Variants in FBN1 observed in about 807,000 individuals in gnomAD.
The protein encoded by FBN1 is fibrillin-1.
FBN1 carries 29 observed loss-of-function variants against 365.1 expected under a neutral mutation model. The observed-to-expected ratio is 0.08, with a 90% CI of 0.06 to 0.11. The LOEUF is 0.11. Ranked by LOEUF, FBN1 falls within the 10% of genes least tolerant of loss-of-function variation. The pLI is 1.00. For missense variants in FBN1, 2,476 were observed against 3,703.2 expected, an observed-to-expected ratio of 0.67 and a Z score of 8.60; for synonymous variants, 1,210 against 1,270.5, an observed-to-expected ratio of 0.95 and a Z score of 1.01.
At chr15:48,475,335 G>A (rs1597554579) in intron 32 of FBN1, among the ~76,000 whole-genome samples, 1 of 152,056 alleles carries the variant, frequency 6.6e-6, no homozygotes, top group East Asian at 1.9e-4. Flanking sequence ...TGGGGATTTT[G>A]TCAGAATATA....
At chr15:48,571,901 G>A (rs1352220987) in intron 6 of FBN1, among the ~76,000 whole-genome samples, 2 of 152,208 alleles carry the variant, frequency 1.3e-5, no homozygotes, top group African/African-American at 2.4e-5. Context: ...ATTTTAAAAT[G>A]TGTATGTGTG....
At chr15:48,469,354 C>T (rs914817657) in intron 36 of FBN1, among the ~76,000 whole-genome samples, 3 of 152,100 alleles carry the variant, frequency 2.0e-5, no homozygotes, top group African/African-American at 2.4e-5. Context: ...GACACACACG[C>T]GTGAGGCTTA....
At chr15:48,511,907 T>C (rs1353558666) in intron 13 of FBN1, among the ~76,000 whole-genome samples, 1 of 152,218 alleles carries the variant, frequency 6.6e-6, no homozygotes, top group Non-Finnish European at 1.5e-5. Flanking sequence ...GTGCAGTCTC[T>C]GGACATTGAT....
chr15:48,513,661 A>G lies in FBN1; in HGVS notation c.1476T>C (p.Asp492=), dbSNP rs758967612. 8.7e-6 allele frequency: 14 copies of G among 1,613,970 alleles called. No individual in the cohort carries two copies. The highest frequency in any genetic ancestry group is 4.4e-5 in the South Asian group (4 of 91,090). Residue 492 remains aspartate, a synonymous_variant, in exon 13 of 66, where the codon GAT becomes GAC. Transcript: ENST00000316623. ...LDLRGECIDV[D]ECEKNPCAGG... ...CAGCACAGGGGTTTTTCTCACATTCATCAACATCTGCAAAGCACAATGTAT... is the reference window on the plus strand; with the variant it reads ...CAGCACAGGGGTTTTTCTCACATTCGTCAACATCTGCAAAGCACAATGTAT...
intron 60 of FBN1, among the ~76,000 whole-genome samples, chr15:48,422,970 A>C (rs950731187): frequency 6.6e-6 from 1 of 152,086 alleles, no homozygotes; most frequent in Admixed American, 6.6e-5. Context: ...AAACAAAAAA[A>C]ACAAAAATCC....
intron 4 of FBN1, among the ~76,000 whole-genome samples, chr15:48,601,613 A>G (rs1282629578): frequency 6.6e-6 from 1 of 152,206 alleles, no homozygotes; most frequent in Non-Finnish European, 1.5e-5. Flanking sequence ...ATTCCTCCCA[A>G]CAGCCACCCT....
At chr15:48,487,586 T>C in intron 27 of FBN1, 149 bp from the exon 28 acceptor site, 2 of 1,156,500 alleles carry the variant, frequency 1.7e-6, no homozygotes, top group South Asian at 2.5e-5. Flanking sequence ...ACACCAGATC[T>C]CCCTGCAGGA....
In FBN1 at chr15:48,582,453, T is replaced by G. The variant is rs184842525; in HGVS notation, c.538+13830A>C. The stretch of plus-strand genomic sequence containing the variant: ...ACCTTTTAGATGCAGTAAGAATTTA[T>G]TCTTCTAAAGCCCACAAAACCACAT... On this transcript the variant is annotated intron_variant, in intron 6 of 65. Coordinates refer to ENST00000316623, the MANE Select transcript of FBN1 (RefSeq NM_000138.5). Among the ~76,000 whole-genome samples, 123 of 152,348 alleles carry G rather than the reference T, an allele frequency of 8.1e-4. 1 individual carries two copies. The highest frequency in any genetic ancestry group is 2.6e-3 in the African/African-American group (110 of 41,578).
intron 6 of FBN1, among the ~76,000 whole-genome samples, chr15:48,557,173 G>C (rs1369194395): frequency 6.6e-6 from 1 of 152,152 alleles, no homozygotes; most frequent in African/African-American, 2.4e-5. Flanking sequence ...ATTCATTCAA[G>C]AATTTGGTAA....
At chr15:48,548,397 G>A (rs1201918299) in intron 6 of FBN1, among the ~76,000 whole-genome samples, 1 of 152,216 alleles carries the variant, frequency 6.6e-6, no homozygotes, top group East Asian at 1.9e-4. Context: ...ATGATGTGAA[G>A]AGTTAAATCT....
intron 6 of FBN1, among the ~76,000 whole-genome samples, chr15:48,585,842 A>C (rs773327017): frequency 7.9e-5 from 12 of 152,204 alleles, no homozygotes; most frequent in Non-Finnish European, 1.6e-4. Context: ...CTGAAATAAT[A>C]CCTATATAAT....
Position 48,488,512 on chromosome 15 carries a change from G to A in FBN1, c.3083-19C>T, listed in dbSNP as rs1297115195. On this transcript the variant is annotated intron_variant, in intron 25 of 65. Transcript: ENST00000316623. ...TTGATATCTTCAAGAATAAGAAAATGTGGGGCAAAATAAGTTTATGAGCAA... is the reference window on the plus strand; with the variant it reads ...TTGATATCTTCAAGAATAAGAAAATATGGGGCAAAATAAGTTTATGAGCAA... 6.2e-6 allele frequency: 10 copies of A among 1,611,452 alleles called. No homozygotes were observed. The highest frequency in any genetic ancestry group is 7.6e-6 in the Non-Finnish European group (9 of 1,179,354).
chr15:48,452,558 A>C lies in FBN1; in HGVS notation c.5545+4T>G. The C allele has an allele frequency of 6.2e-7, 1 of 1,614,010 alleles. No homozygotes were observed. The highest frequency in any genetic ancestry group is 8.5e-7 in the Non-Finnish European group (1 of 1,179,990). On this transcript the variant is annotated splice_donor_region_variant and intron_variant, in intron 45 of 65. Transcript: ENST00000316623. ...GCATGTCCAGCCTGTGGGGCACTAC[A>C]TACCATTGCACTGTCCTGTGGAGGT...
intron 23 of FBN1, among the ~76,000 whole-genome samples, chr15:48,493,359 A>G (rs2043577755): frequency 6.6e-6 from 1 of 152,174 alleles, no homozygotes. Context: ...ACTCATACAC[A>G]CTGTGTCTCT....
Position 48,430,818 on chromosome 15 carries a change from A to C in FBN1, c.6740-16T>G. On this transcript the variant is annotated splice_polypyrimidine_tract_variant and intron_variant, in intron 55 of 65. Transcript: ENST00000316623. ...TCATCCTCATCTGTAAAAAATGTAC[A>C]ATCACAAATTTGTCAAAGAAAATGC... 6.2e-7 allele frequency: 1 copy of C among 1,612,710 alleles called. No homozygotes were observed. The highest frequency in any genetic ancestry group is 8.5e-7 in the Non-Finnish European group (1 of 1,179,496).
chr15:48,425,945 T>C (rs2042976924), intron 58 of FBN1, 81 bp from the exon 59 acceptor site: 6 of 1,101,370 alleles, frequency 5.4e-6, no homozygotes, highest in African/African-American at 3.1e-5. Context: ...TCAGTGTAAA[T>C]ACTAATAAAT....
At chr15:48,587,248 AAGTACT>A (rs569053603) in intron 6 of FBN1, among the ~76,000 whole-genome samples, 134 of 152,300 alleles carry the variant, frequency 8.8e-4, no homozygotes, top group African/African-American at 3.1e-3. Context: ...AAGTGTTCTG[AAGTACT>A]CTCAGTTGGG....
Position 48,485,434 on chromosome 15 carries a change from T to C in FBN1, c.3652A>G (p.Ser1218Gly), listed in dbSNP as rs765353743. The C allele has an allele frequency of 6.2e-7, 1 of 1,614,204 alleles. No homozygotes were observed. Among genetic ancestry groups the C allele is most frequent in the East Asian group, 2.2e-5 (1 of 44,892 alleles). ...CETFCTNSEG[S>G]YECSCQPGFA... ...CCCGGCTGACAGCTACATTCATAGC[T>C]GCCTTCAGAGTTTGTGCAGAAGGTT... Residue 1218 changes from serine to glycine, a missense_variant, in exon 30 of 66, where the codon AGC becomes GGC. By Grantham distance (56) the Ser-to-Gly change is moderately conservative (BLOSUM62 0). Transcript: ENST00000316623.
chr15:48,570,700 T>A (rs764641862), intron 6 of FBN1, among the ~76,000 whole-genome samples: 2 of 152,220 alleles, frequency 1.3e-5, no homozygotes, highest in Non-Finnish European at 2.9e-5. Context: ...TGCCCCATAC[T>A]CATTTATTTA....
Sources: gnomAD v4.1 joint callset for allele counts (sites outside exome capture counted in the v4.1 genomes callset) on GRCh38, gnomAD v4.1.1 for gene constraint, MANE v1.5 for transcripts, NCBI Gene and HGNC (gene_info 2026-07-23, HGNC 2026-07-21) for gene names.